SDK1: variants seen among roughly 807,000 people sequenced by gnomAD.
SDK1 encodes sidekick cell adhesion molecule 1.
Under a neutral mutation model 245.5 loss-of-function variants are expected in SDK1, and 157 were observed. The observed-to-expected ratio is 0.64, with a 90% confidence interval of 0.56 to 0.73. The LOEUF is 0.73. SDK1 is among the 30% of genes least tolerant of loss of function. The pLI, the probability that SDK1 is intolerant of heterozygous loss-of-function variation, is 0.00. For synonymous variants in SDK1, 1,647 were observed against 1,278.5 expected, an observed-to-expected ratio of 1.29 and a Z score of -6.15; for missense variants, 3,583 against 3,002.3, an observed-to-expected ratio of 1.19 and a Z score of -4.52.
intron 43 of SDK1, among the ~76,000 whole-genome samples, chr7:4,244,556 G>A (rs888472038): frequency 3.9e-5 from 6 of 152,250 alleles, no homozygotes; most frequent in African/African-American, 1.2e-4. Flanking sequence ...GGGAGCTGAA[G>A]AGGGTACTCA....
At chr7:4,166,030 C>T (rs1215588559) in intron 32 of SDK1, among the ~76,000 whole-genome samples, 13 of 152,150 alleles carry the variant, frequency 8.5e-5, no homozygotes, top group Non-Finnish European at 1.8e-4. Context: ...CTCAAGCGAT[C>T]CTCCTTCCTT....
chr7:3,804,740 T>C (rs182313852), intron 4 of SDK1, among the ~76,000 whole-genome samples: 1 of 152,322 alleles, frequency 6.6e-6, no homozygotes, highest in African/African-American at 2.4e-5. Flanking sequence ...CTTTCTTTAG[T>C]ATTTTTGTAG....
chr7:4,130,174 T>G, intron 27 of SDK1, 77 bp downstream of exon 27: 1 of 1,400,492 alleles, frequency 7.1e-7, no homozygotes, highest in Non-Finnish European at 9.6e-7. Flanking sequence ...ATTTGGATTG[T>G]TGTCGCTTTT....
chr7:3,921,954 A>G (rs1350643246), intron 5 of SDK1, among the ~76,000 whole-genome samples: 1 of 152,126 alleles, frequency 6.6e-6, no homozygotes, highest in East Asian at 1.9e-4. Flanking sequence ...CAACAGAGTT[A>G]GGCCCTGTCT....
intron 5 of SDK1, among the ~76,000 whole-genome samples, chr7:3,920,494 G>A (rs12701287): frequency 0.21 from 32,219 of 151,960 alleles, 3,654 homozygotes; most frequent in South Asian, 0.28. Context: ...TAGCTGGAGT[G>A]ACTAGAGGAG....
intron 1 of SDK1, among the ~76,000 whole-genome samples, chr7:3,402,098 C>G (rs116072642): frequency 6.6e-6 from 1 of 152,148 alleles, no homozygotes; most frequent in African/African-American, 2.4e-5. Flanking sequence ...TTTTATGTGA[C>G]TCACAGATAG....
At chr7:3,436,811 T>G (rs1780034511) in intron 1 of SDK1, among the ~76,000 whole-genome samples, 1 of 152,188 alleles carries the variant, frequency 6.6e-6, no homozygotes, top group Admixed American at 6.5e-5. Context: ...GAGTTGTGAA[T>G]AAGAGCCAGA....
chr7:3,835,210 T>A (rs1056031506), intron 5 of SDK1, among the ~76,000 whole-genome samples: 20 of 152,192 alleles, frequency 1.3e-4, no homozygotes, highest in African/African-American at 4.6e-4. Flanking sequence ...TATCTTCTGA[T>A]GTTTGAGCTT....
At chr7:4,142,414 C>T (rs1405750680) in intron 28 of SDK1, among the ~76,000 whole-genome samples, 2 of 151,992 alleles carry the variant, frequency 1.3e-5, no homozygotes, top group Non-Finnish European at 2.9e-5. Context: ...CCGCAGCCTC[C>T]GCCTCCCGGG....
At position 3,346,040 on chromosome 7, in the gene SDK1, A is replaced by G. The variant is rs141904029; in HGVS notation, c.298+44156A>G. Among the ~76,000 whole-genome samples, 389 of 152,290 alleles carry G rather than the reference A, an allele frequency of 2.6e-3. 2 individuals carry two copies. The highest frequency in any genetic ancestry group is 8.9e-3 in the African/African-American group (368 of 41,554). ...TTTCTGGCACTTGTACTCCTGGATA[A>G]AATGTTTTTGGGTCTAATTTTTAAG... On this transcript the variant is annotated intron_variant, in intron 1 of 44. Transcript: ENST00000404826.
chr7:4,264,236 G>A lies in SDK1; in HGVS notation c.6382-888G>A, dbSNP rs112941947. ...GAGGCCGCGTAGACCTCTCCTGAGTGGGGAGGCCGCGTAGACCTCTCCTGA... is the reference window on the plus strand; with the variant it reads ...GAGGCCGCGTAGACCTCTCCTGAGTAGGGAGGCCGCGTAGACCTCTCCTGA... On this transcript the variant is annotated intron_variant, in intron 44 of 44. Transcript: ENST00000404826. Among the ~76,000 whole-genome samples, 49 of 56,668 alleles carry A rather than the reference G, an allele frequency of 8.6e-4. 9 individuals are homozygous for A. The highest frequency in any genetic ancestry group is 1.2e-3 in the Non-Finnish European group (33 of 27,606). 37.2% of individuals were successfully genotyped at this position (56,668 alleles called of 152,430 possible). A position where few individuals can be genotyped will look rare whatever the true frequency, so the allele number is the denominator to read the frequency against.
At chr7:4,016,740 C>G (rs999034358) in intron 16 of SDK1, among the ~76,000 whole-genome samples, 26 of 152,160 alleles carry the variant, frequency 1.7e-4, no homozygotes, top group Non-Finnish European at 2.9e-5. Context: ...AAATGGAGCT[C>G]TGTCCCTGGA....
intron 4 of SDK1, among the ~76,000 whole-genome samples, chr7:3,703,532 T>C (rs898988318): frequency 7.9e-5 from 12 of 152,186 alleles, no homozygotes; most frequent in Non-Finnish European, 1.6e-4. Flanking sequence ...GTGGCTGGAC[T>C]GTAGTGGTGG....
intron 1 of SDK1, among the ~76,000 whole-genome samples, chr7:3,584,890 A>T (rs1036301886): frequency 4.6e-5 from 7 of 151,722 alleles, no homozygotes; most frequent in Non-Finnish European, 8.8e-5. Flanking sequence ...CACCTGGCTA[A>T]TTTTTTTGTA....
At chr7:3,433,030 T>G (rs1261954089) in intron 1 of SDK1, among the ~76,000 whole-genome samples, 1 of 152,240 alleles carries the variant, frequency 6.6e-6, no homozygotes, top group Non-Finnish European at 1.5e-5. Flanking sequence ...ACGCAGTTTT[T>G]CATTCATTTT....
At chr7:4,050,045 C>G (rs1051594921) in intron 18 of SDK1, among the ~76,000 whole-genome samples, 2 of 152,174 alleles carry the variant, frequency 1.3e-5, no homozygotes, top group Non-Finnish European at 2.9e-5. Flanking sequence ...CATCACAAAG[C>G]ACAGCTGATC....
chr7:3,627,658 G>A lies in SDK1; in HGVS notation c.458+8419G>A, dbSNP rs552524862. ...TGGCAAAAGCTAGATTAGCTTTGGT[G>A]AGGAGGAGCTGTTGCTTTTGGATTC... On this transcript the variant is annotated intron_variant, in intron 2 of 44. Coordinates refer to ENST00000404826, the MANE Select transcript of SDK1 (RefSeq NM_152744.4). Among the ~76,000 whole-genome samples, 5 of 152,316 alleles carry A rather than the reference G, an allele frequency of 3.3e-5. No individual in the cohort carries two copies. The East Asian group carries it at 7.7e-4, about 24-fold the overall frequency.
chr7:3,354,477 TGAAA>T (rs1780741903), intron 1 of SDK1, among the ~76,000 whole-genome samples: 1 of 152,198 alleles, frequency 6.6e-6, no homozygotes, highest in South Asian at 2.1e-4. Flanking sequence ...GAGTTTTCCG[TGAAA>T]GAAGTATAGG....
At chr7:3,386,849 G>C (rs1309260631) in intron 1 of SDK1, among the ~76,000 whole-genome samples, 1 of 152,138 alleles carries the variant, frequency 6.6e-6, no homozygotes, top group Non-Finnish European at 1.5e-5. Flanking sequence ...TGGCCCAAGA[G>C]TAGACAACAT....
Sources: allele counts gnomAD v4.1 joint callset (sites outside exome capture counted in the v4.1 genomes callset), GRCh38; gene constraint gnomAD v4.1.1; transcripts MANE v1.5; gene names NCBI Gene and HGNC (gene_info 2026-07-23, HGNC 2026-07-21).